Variants in ASXL3 observed in about 807,000 individuals in gnomAD.
ASXL3 encodes the protein ASXL transcriptional regulator 3.
In ASXL3, 34 loss-of-function variants were observed where a neutral mutation model predicts 170.6. That is an observed-to-expected ratio of 0.20 (90% CI 0.15 to 0.27). The LOEUF (loss-of-function observed/expected upper bound fraction) is 0.27, where lower values mean the gene tolerates loss of function less well. Among genes scored for constraint, ASXL3 ranks in the 10% least tolerant of loss-of-function variants. The pLI, the probability that ASXL3 is intolerant of heterozygous loss-of-function variation, is 1.00. For missense variants in ASXL3, 2,592 were observed against 2,695.3 expected, an observed-to-expected ratio of 0.96 and a Z score of 0.85; for synonymous variants, 1,002 against 989.1, an observed-to-expected ratio of 1.01 and a Z score of -0.24.
intron 2 of ASXL3, among the ~76,000 whole-genome samples, chr18:33,617,447 T>A (rs919085459): frequency 6.6e-6 from 1 of 152,130 alleles, no homozygotes; most frequent in Non-Finnish European, 1.5e-5. Flanking sequence ...GCTGAGATGA[T>A]GCCACCGCAC....
chr18:33,590,859 A>C (rs1164029895), intron 1 of ASXL3, among the ~76,000 whole-genome samples: 3 of 152,172 alleles, frequency 2.0e-5, no homozygotes, highest in Non-Finnish European at 4.4e-5. Flanking sequence ...GTTTGACACA[A>C]TTTAGGATCC....
At chr18:33,712,278 A>C (rs903877929) in intron 8 of ASXL3, among the ~76,000 whole-genome samples, 9 of 152,202 alleles carry the variant, frequency 5.9e-5, no homozygotes, top group Admixed American at 5.9e-4. Context: ...AATATGAATG[A>C]TGGTATTTTA....
intron 2 of ASXL3, among the ~76,000 whole-genome samples, chr18:33,639,729 TATCTAATG>T (rs1210816567): frequency 6.6e-6 from 1 of 152,174 alleles, no homozygotes; most frequent in Non-Finnish European, 1.5e-5. Context: ...CGCTATAGTC[TATCTAATG>T]ATATCTTGGT....
At chr18:33,695,568 T>A (rs997478689) in intron 8 of ASXL3, among the ~76,000 whole-genome samples, 11 of 152,176 alleles carry the variant, frequency 7.2e-5, no homozygotes, top group Admixed American at 7.2e-4. Flanking sequence ...TTCATCGGTA[T>A]CTGCTTCAGT....
chr18:33,676,222 CAAAA>C lies in ASXL3; in HGVS notation c.715+4378_715+4381del, dbSNP rs568221465. On this transcript the variant is annotated intron_variant, in intron 7 of 11. Coordinates refer to ENST00000269197, the MANE Select transcript of ASXL3 (RefSeq NM_030632.3). ...CTGGGTGACGAGCGAGACTCCGTCT[CAAAA>C]AAAAAAAAAAAAAAAAAAAAATTAT... Among the ~76,000 whole-genome samples, 240 of 41,718 alleles carry C rather than the reference CAAAA, an allele frequency of 5.8e-3. 6 individuals carry two copies. Among genetic ancestry groups the C allele is most frequent in the African/African-American group, 0.021 (216 of 10,250 alleles). The allele number at this position is 41,718 out of a possible 152,430, so 27.4% of individuals were successfully genotyped here.
At chr18:33,704,971 T>C (rs910263727) in intron 8 of ASXL3, among the ~76,000 whole-genome samples, 2 of 151,986 alleles carry the variant, frequency 1.3e-5, no homozygotes, top group African/African-American at 4.8e-5. Flanking sequence ...TTTCTTTTAA[T>C]GTTTTATCCA....
At chr18:33,594,374 G>A (rs1257811426) in intron 1 of ASXL3, among the ~76,000 whole-genome samples, 2 of 152,118 alleles carry the variant, frequency 1.3e-5, no homozygotes, top group East Asian at 3.9e-4. Flanking sequence ...TGATATTACA[G>A]TATAATGAGC....
chr18:33,594,788 G>T (rs1415708555), intron 1 of ASXL3, among the ~76,000 whole-genome samples: 1 of 151,980 alleles, frequency 6.6e-6, no homozygotes, highest in African/African-American at 2.4e-5. Flanking sequence ...GACCAGGCTG[G>T]TCTCTCATAC....
intron 2 of ASXL3, among the ~76,000 whole-genome samples, chr18:33,613,371 C>A (rs765921412): frequency 6.6e-6 from 1 of 152,070 alleles, no homozygotes; most frequent in Non-Finnish European, 1.5e-5. Context: ...TCCCCCTTTA[C>A]AAATCTATTT....
At chr18:33,711,053 T>G (rs935915954) in intron 8 of ASXL3, among the ~76,000 whole-genome samples, 3 of 152,198 alleles carry the variant, frequency 2.0e-5, no homozygotes, top group Non-Finnish European at 4.4e-5. Flanking sequence ...TTCGTTTAGA[T>G]TTTCCATTTA....
chr18:33,736,263 G>T (rs558782578), intron 10 of ASXL3, among the ~76,000 whole-genome samples: 2 of 152,158 alleles, frequency 1.3e-5, no homozygotes, highest in South Asian at 4.1e-4. Flanking sequence ...CCTAGAAGAT[G>T]ACAGCTATGA....
chr18:33,689,241 G>A (rs1599497484), intron 8 of ASXL3, among the ~76,000 whole-genome samples: 1 of 152,080 alleles, frequency 6.6e-6, no homozygotes, highest in African/African-American at 2.4e-5. Flanking sequence ...TGATCCACCC[G>A]CCTCGGCCTC....
chr18:33,639,521 C>A (rs2065816608), intron 2 of ASXL3, among the ~76,000 whole-genome samples: 1 of 152,200 alleles, frequency 6.6e-6, no homozygotes, highest in South Asian at 2.1e-4. Context: ...CACCTCACCT[C>A]CTATTTTAGT....
At chr18:33,609,023 G>T in intron 2 of ASXL3, 2 of 984,516 alleles carry the variant, frequency 2.0e-6, no homozygotes, top group Non-Finnish European at 2.4e-6. Flanking sequence ...ATATAACCAC[G>T]CTGTGTTTGT....
Position 33,738,535 on chromosome 18 carries a change from C to T in ASXL3, c.1131C>T (p.Asn377=), listed in dbSNP as rs1296893208. 6.2e-7 allele frequency: 1 copy of T among 1,613,592 alleles called. No individual in the cohort carries two copies. Among genetic ancestry groups the T allele is most frequent in the African/African-American group, 1.3e-5 (1 of 74,930 alleles). ...EESVKLTTGP[N]NAGAQSSSSC... is the part of the protein sequence containing the mutation. ...CTGTGAAGCTCACTACTGGACCAAA[C>T]AACGCTGGAGCTCAAAGTAGTTCTT... The change falls in exon 11 of 12, where the codon AAC becomes AAT. Residue 377 remains asparagine (N), a synonymous_variant. Transcript: ENST00000269197.
chr18:33,617,755 T>A (rs1306975231), intron 2 of ASXL3, among the ~76,000 whole-genome samples: 2 of 152,192 alleles, frequency 1.3e-5, no homozygotes, highest in African/African-American at 4.8e-5. Context: ...TATCAAGATC[T>A]AGGTATAATT....
rs766976156 is a variant in ASXL3 at position 33,744,664 on chromosome 18, C to T, written c.4816C>T (p.Arg1606Trp). 1.7e-5 allele frequency: 28 copies of T among 1,607,848 alleles called. No homozygotes were observed. Among genetic ancestry groups the T allele is most frequent in the East Asian group, 1.1e-4 (5 of 44,750 alleles). ...TCSNQYNPSN[R>W]ICWNDDGMRS... Reference sequence around the variant, plus strand: ...TAGCAATCAGTATAACCCAAGTAACCGGATTTGCTGGAATGATGATGGGAT... The same window carrying T: ...TAGCAATCAGTATAACCCAAGTAACTGGATTTGCTGGAATGATGATGGGAT... The change falls in exon 12 of 12, where the codon CGG (arginine) becomes TGG (tryptophan). Residue 1606 changes from arginine to tryptophan, a missense_variant. Transcript: ENST00000269197.
At chr18:33,582,009 T>C (rs2064997007) in intron 1 of ASXL3, among the ~76,000 whole-genome samples, 1 of 152,202 alleles carries the variant, frequency 6.6e-6, no homozygotes, top group African/African-American at 2.4e-5. Context: ...CACAGCCTTC[T>C]GCAGTTGTAG....
rs539186457 is a variant in ASXL3 at position 33,666,331 on chromosome 18, C to G, written c.478-4342C>G. 4.2e-4 allele frequency among the ~76,000 whole-genome samples: 64 copies of G among 152,286 alleles called. No individual in the cohort carries two copies. In the South Asian group the frequency reaches 9.5e-3, roughly 23 times the overall value. ...CTAAAATAGACTGATTATGTAATAT[C>G]TGTCAAAATAAATCACATTATAGAC... On this transcript the variant is annotated intron_variant, in intron 5 of 11. Coordinates refer to ENST00000269197, the MANE Select transcript of ASXL3 (RefSeq NM_030632.3).
Sources: allele counts gnomAD v4.1 joint callset (sites outside exome capture counted in the v4.1 genomes callset), GRCh38; gene constraint gnomAD v4.1.1; transcripts MANE v1.5; gene names NCBI Gene and HGNC (gene_info 2026-07-23, HGNC 2026-07-21).